The following PPP4R1 variants were observed in gnomAD, a reference collection of about 807,000 sequenced individuals.
PPP4R1 encodes the protein serine/threonine-protein phosphatase 4 regulatory subunit 1.
PPP4R1 carries 42 observed loss-of-function variants against 111.2 expected under a neutral mutation model. That is an observed-to-expected ratio of 0.38 (90% confidence interval 0.29 to 0.49). The LOEUF is 0.49. Ranked by LOEUF, PPP4R1 falls within the 20% of genes least tolerant of loss-of-function variation. PPP4R1 has a pLI of 0.97. For missense variants in PPP4R1, 1,012 were observed against 1,161.6 expected (o/e 0.87, Z 1.87); for synonymous variants, 409 against 405.5 (o/e 1.01, Z -0.10).
rs1209751748 is a variant in PPP4R1 at position 9,614,330 on chromosome 18, C to A, written c.8-60G>T. 16 of 1,107,126 alleles carry A rather than the reference C, an allele frequency of 1.4e-5. No homozygotes were observed. In the East Asian group the frequency reaches 4.7e-4, roughly 33 times the overall value. The allele number at this position is 1,107,126 out of a possible 1,614,324, so 68.6% of individuals were successfully genotyped here. The stretch of plus-strand genomic sequence containing the variant: ...CGCCCCGGGGCCCGGCGCGACGCCC[C>A]CCCCCCGCCCGCCTCCCCCCCGCCC... On this transcript the variant is annotated intron_variant, in intron 1 of 19. Transcript: ENST00000400556. The surrounding 1 kb of genome is among the most constrained non-coding windows in gnomAD (Gnocchi z 4.1).
At chr18:9,581,536 G>A (rs2067029509) in intron 9 of PPP4R1, among the ~76,000 whole-genome samples, 1 of 143,438 alleles carries the variant, frequency 7.0e-6, no homozygotes, top group African/African-American at 2.6e-5. Context: ...AGAATAGAGA[G>A]GGGGAAAAAA....
chr18:9,554,936 T>C (rs2066547162), intron 15 of PPP4R1, among the ~76,000 whole-genome samples: 1 of 152,206 alleles, frequency 6.6e-6, no homozygotes, highest in Non-Finnish European at 1.5e-5. Flanking sequence ...CCACTAATAC[T>C]AAAATAACTT....
chr18:9,563,588 A>G (rs375516113), intron 11 of PPP4R1, 38 bp from the exon 12 acceptor site: 2 of 1,490,648 alleles, frequency 1.3e-6, no homozygotes, highest in African/African-American at 2.8e-5. Flanking sequence ...AGTGAGAAAC[A>G]CAATTGCAAT....
rs142770902 is a variant in PPP4R1 at position 9,584,596 on chromosome 18, T to G, written c.694-16A>C. On this transcript the variant is annotated splice_polypyrimidine_tract_variant and intron_variant, in intron 7 of 19. Transcript: ENST00000400556. ...CAGCACAGACCTGACAACAAAAGCA[T>G]CATTGACATTTCAAAATATTACACA... is the stretch of plus-strand genomic sequence containing the variant. 44 of 1,609,610 alleles carry G rather than the reference T, an allele frequency of 2.7e-5. No homozygotes were observed. The East Asian group carries it at 9.8e-4, about 36-fold the overall frequency.
intron 15 of PPP4R1, 26 bp from the exon 16 acceptor site, chr18:9,553,448 A>G (rs536854517): frequency 1.4e-6 from 2 of 1,451,666 alleles, no homozygotes; most frequent in East Asian, 2.3e-5. Flanking sequence ...AAAAATATTT[A>G]CCAGGACAAG....
intron 19 of PPP4R1, 39 bp downstream of exon 19, chr18:9,549,158 C>G: frequency 1.3e-6 from 2 of 1,595,814 alleles, no homozygotes; most frequent in Admixed American, 3.3e-5. Context: ...AGACCTCCTT[C>G]TCTACTCACA....
At chr18:9,583,418 G>A (rs1176258405) in intron 8 of PPP4R1, 143 bp from the exon 9 acceptor site, 3 of 855,564 alleles carry the variant, frequency 3.5e-6, no homozygotes, top group Non-Finnish European at 1.6e-6. Flanking sequence ...CCAGGCTGGA[G>A]TGAGGTGGTG....
intron 13 of PPP4R1, among the ~76,000 whole-genome samples, chr18:9,561,493 G>GC (rs2066676808): frequency 6.6e-6 from 1 of 152,046 alleles, no homozygotes; most frequent in Admixed American, 6.5e-5. Context: ...AAAGAGCAAG[G>GC]CAAGGCACAG....
intron 4 of PPP4R1, among the ~76,000 whole-genome samples, chr18:9,592,827 T>C (rs543585891): frequency 6.6e-6 from 1 of 152,182 alleles, no homozygotes; most frequent in South Asian, 2.1e-4. Flanking sequence ...TAAATCAAAT[T>C]AAAAAAATAA....
chr18:9,559,685 TTTTTA>T, intron 13 of PPP4R1, 81 bp from the exon 14 acceptor site: 2 of 1,057,786 alleles, frequency 1.9e-6, no homozygotes, highest in Non-Finnish European at 2.6e-6. Flanking sequence ...GGCAAAATTA[TTTTTA>T]AATATATAGA....
intron 15 of PPP4R1, among the ~76,000 whole-genome samples, chr18:9,556,413 A>G (rs537845214): frequency 7.1e-4 from 108 of 152,030 alleles, no homozygotes; most frequent in African/African-American, 2.5e-3. Flanking sequence ...GGCTGGTCTC[A>G]ACCTCCTGAC....
intron 2 of PPP4R1, among the ~76,000 whole-genome samples, chr18:9,607,425 G>T (rs2067499966): frequency 6.6e-6 from 1 of 151,602 alleles, no homozygotes. Flanking sequence ...GTAGAGACAT[G>T]ATGGTCCATC....
chr18:9,568,642 T>A (rs1391655146), intron 11 of PPP4R1, among the ~76,000 whole-genome samples: 1 of 152,234 alleles, frequency 6.6e-6, no homozygotes, highest in Non-Finnish European at 1.5e-5. Context: ...AAGTGACTAG[T>A]CTATGTCAGA....
At chr18:9,564,439 A>T (rs1049983242) in intron 11 of PPP4R1, among the ~76,000 whole-genome samples, 1 of 152,252 alleles carries the variant, frequency 6.6e-6, no homozygotes, top group Non-Finnish European at 1.5e-5. Flanking sequence ...CAACAGACAC[A>T]CAAGCAACAT....
chr18:9,604,226 A>C (rs763387272), intron 2 of PPP4R1, among the ~76,000 whole-genome samples: 4 of 152,218 alleles, frequency 2.6e-5, no homozygotes, highest in Non-Finnish European at 5.9e-5. Flanking sequence ...TTTAAAGACC[A>C]CGGTCCTAGA....
At chr18:9,557,062 G>T in intron 15 of PPP4R1, 159 bp downstream of exon 15, 1 of 603,266 alleles carries the variant, frequency 1.7e-6, no homozygotes, top group Non-Finnish European at 2.8e-6. Flanking sequence ...GTATAATTAT[G>T]GGACCATTTC....
rs1480338878 is a variant in PPP4R1 at position 9,614,346 on chromosome 18, C to T, written c.8-76G>A. ...GCGACGCCCCCCCCCCGCCCGCCTC[C>T]CCCCCGCCCCGGGGGCGCCTTCCCG... On this transcript the variant is annotated intron_variant, in intron 1 of 19. Coordinates refer to ENST00000400556, the MANE Select transcript of PPP4R1 (RefSeq NM_001042388.3). This position sits in a 1 kb window ranked among gnomAD's most constrained non-coding sequence, Gnocchi z 4.1. The T allele has an allele frequency of 2.3e-5, 25 of 1,070,558 alleles. No homozygotes were observed. In the East Asian group the frequency reaches 7.7e-4, roughly 33 times the overall value. 66.3% of individuals were successfully genotyped at this position (1,070,558 alleles called of 1,614,324 possible). A position where few individuals can be genotyped will look rare whatever the true frequency, so the allele number is the denominator to read the frequency against.
intron 15 of PPP4R1, among the ~76,000 whole-genome samples, chr18:9,554,196 C>T (rs1246814931): frequency 1.3e-5 from 2 of 149,554 alleles, no homozygotes; most frequent in African/African-American, 5.0e-5. Flanking sequence ...GGCGGGATCT[C>T]GGCTCACTGC....
chr18:9,554,823 C>T (rs922267482), intron 15 of PPP4R1, among the ~76,000 whole-genome samples: 1 of 152,172 alleles, frequency 6.6e-6, no homozygotes, highest in Non-Finnish European at 1.5e-5. Context: ...AATCAAAGGA[C>T]ACAAGAGGCA....
Sources: allele counts gnomAD v4.1 joint callset (sites outside exome capture counted in the v4.1 genomes callset), GRCh38; gene constraint gnomAD v4.1.1; non-coding constraint Gnocchi (gnomAD v3.1); transcripts MANE v1.5; gene names NCBI Gene and HGNC (gene_info 2026-07-23, HGNC 2026-07-21).